Variants in GALNT17 observed in about 807,000 individuals in gnomAD.
GALNT17 encodes polypeptide N-acetylgalactosaminyltransferase 17.
GALNT17 carries 29 observed loss-of-function variants against 63.7 expected under a neutral mutation model. That is an observed-to-expected ratio of 0.46 (90% CI 0.34 to 0.62). GALNT17 has a LOEUF of 0.62. Among genes scored for constraint, GALNT17 ranks in the 20% least tolerant of loss-of-function variants. The probability of loss-of-function intolerance (pLI) is 0.01; values close to 1 mark genes in which losing one functional copy is unlikely to be tolerated. For missense variants in GALNT17, 603 were observed against 799.6 expected (o/e 0.75, Z 2.97); for synonymous variants, 305 against 318.3 (o/e 0.96, Z 0.45).
At chr7:71,486,693 A>G (rs1463084675) in intron 5 of GALNT17, among the ~76,000 whole-genome samples, 1 of 151,346 alleles carries the variant, frequency 6.6e-6, no homozygotes, top group Non-Finnish European at 1.5e-5. Context: ...CCATCTCTAC[A>G]ATAAGTCAAT....
chr7:71,569,570 G>T (rs959950723), intron 5 of GALNT17, among the ~76,000 whole-genome samples: 2 of 152,114 alleles, frequency 1.3e-5, no homozygotes, highest in Non-Finnish European at 2.9e-5. Context: ...TGTTAGCTCG[G>T]CCAGAAGATG....
intron 7 of GALNT17, among the ~76,000 whole-genome samples, chr7:71,668,434 T>TCCCA (rs1791017710): frequency 1.5e-5 from 2 of 129,306 alleles, no homozygotes; most frequent in East Asian, 5.3e-4. Context: ...GAGAATCGCT[T>TCCCA]GAACCTGGGA....
At chr7:71,435,103 G>T (rs1236962643) in intron 5 of GALNT17, among the ~76,000 whole-genome samples, 3 of 152,126 alleles carry the variant, frequency 2.0e-5, no homozygotes. Context: ...GAAGTGGGAG[G>T]ATTGTTGAGA....
chr7:71,173,013 C>T (rs1331398853), intron 1 of GALNT17, among the ~76,000 whole-genome samples: 1 of 152,114 alleles, frequency 6.6e-6, no homozygotes, highest in Non-Finnish European at 1.5e-5. Flanking sequence ...TCCAAAGCTC[C>T]TGTATATTTA....
chr7:71,473,940 A>G (rs1216345452), intron 5 of GALNT17, among the ~76,000 whole-genome samples: 1 of 152,204 alleles, frequency 6.6e-6, no homozygotes, highest in Non-Finnish European at 1.5e-5. Flanking sequence ...CAGAAAGTAA[A>G]GGAATAAAGA....
At chr7:71,707,314 C>T (rs1385071473) in intron 9 of GALNT17, among the ~76,000 whole-genome samples, 1 of 152,016 alleles carries the variant, frequency 6.6e-6, no homozygotes, top group East Asian at 1.9e-4. Context: ...AGGCACAGCC[C>T]CTCCCTCTCA....
intron 1 of GALNT17, among the ~76,000 whole-genome samples, chr7:71,203,942 T>G (rs1461836065): frequency 6.6e-6 from 1 of 152,144 alleles, no homozygotes; most frequent in Non-Finnish European, 1.5e-5. Context: ...CATTTGTTGA[T>G]TTTTGCTTTT....
Position 71,265,132 on chromosome 7 carries a change from T to A in GALNT17, c.239-70418T>A, listed in dbSNP as rs1478601513. Reference sequence around the variant, plus strand: ...TATATATATATATTTTTTTTTTTTTTTTTTTTTTTTTTGAGATGGAGTCTC... The same window carrying A: ...TATATATATATATTTTTTTTTTTTTATTTTTTTTTTTTGAGATGGAGTCTC... On this transcript the variant is annotated intron_variant, in intron 1 of 10. Coordinates refer to ENST00000333538, the MANE Select transcript of GALNT17 (RefSeq NM_022479.3). 9.1e-3 allele frequency among the ~76,000 whole-genome samples: 571 copies of A among 63,034 alleles called. 45 individuals carry two copies. The highest frequency in any genetic ancestry group is 0.05 in the East Asian group (137 of 2,738). The allele number at this position is 63,034 out of a possible 152,430, so 41.4% of individuals were successfully genotyped here.
intron 9 of GALNT17, among the ~76,000 whole-genome samples, chr7:71,684,699 G>C: frequency 6.6e-6 from 1 of 152,114 alleles, no homozygotes; most frequent in East Asian, 1.9e-4. Context: ...GTCTTGTTCT[G>C]TCATCTAGGC....
chr7:71,536,346 G>C (rs1288840849), intron 5 of GALNT17, among the ~76,000 whole-genome samples: 3 of 152,120 alleles, frequency 2.0e-5, no homozygotes, highest in Non-Finnish European at 4.4e-5. Context: ...CATTGTTCAG[G>C]GCTCTCAGAA....
At chr7:71,219,959 C>A (rs552403871) in intron 1 of GALNT17, among the ~76,000 whole-genome samples, 1 of 152,230 alleles carries the variant, frequency 6.6e-6, no homozygotes, top group South Asian at 2.1e-4. Flanking sequence ...TTATGTCCCT[C>A]CAAAATTCAT....
intron 1 of GALNT17, among the ~76,000 whole-genome samples, chr7:71,152,401 A>T (rs1788151888): frequency 6.6e-6 from 1 of 152,156 alleles, no homozygotes; most frequent in Non-Finnish European, 1.5e-5. Context: ...TGCAGACCCA[A>T]GGGGCGGAGT....
chr7:71,514,601 C>T (rs77048399), intron 5 of GALNT17, among the ~76,000 whole-genome samples: 3,058 of 152,284 alleles, frequency 0.02, 110 homozygotes, highest in African/African-American at 0.07. Flanking sequence ...GCCCCAGGAC[C>T]TCCATGCCTG....
chr7:71,247,228 GAAA>G (rs1790114933), intron 1 of GALNT17, among the ~76,000 whole-genome samples: 1 of 152,134 alleles, frequency 6.6e-6, no homozygotes, highest in Non-Finnish European at 1.5e-5. Flanking sequence ...GAAGAAGAGT[GAAA>G]ACATAATTAA....
intron 1 of GALNT17, among the ~76,000 whole-genome samples, chr7:71,173,754 T>C (rs1788586242): frequency 6.6e-6 from 1 of 152,016 alleles, no homozygotes; most frequent in South Asian, 2.1e-4. Flanking sequence ...GCTTGTGCGA[T>C]AGGGCGAGAC....
intron 2 of GALNT17, among the ~76,000 whole-genome samples, chr7:71,378,645 A>G (rs1201866488): frequency 6.6e-6 from 1 of 152,258 alleles, no homozygotes; most frequent in African/African-American, 2.4e-5. Flanking sequence ...TTGTTCATTC[A>G]GTAACCATTT....
At chr7:71,184,939 ACTTCCTTCCTTCCTTCCTTC>A (rs1164312541) in intron 1 of GALNT17, among the ~76,000 whole-genome samples, 1,345 of 64,132 alleles carry the variant, frequency 0.021, 47 homozygotes, top group African/African-American at 0.076. Context: ...TCCCTTCCTC[ACTTCCTTCCTTCCTTCCTTC>A]CTTCCTTCCT....
At chr7:71,670,660 A>G (rs1230595562) in intron 8 of GALNT17, among the ~76,000 whole-genome samples, 1 of 152,214 alleles carries the variant, frequency 6.6e-6, no homozygotes, top group Non-Finnish European at 1.5e-5. Flanking sequence ...CTTTTGAAGT[A>G]CTGGGCACTA....
intron 1 of GALNT17, among the ~76,000 whole-genome samples, chr7:71,232,525 T>G (rs1018499411): frequency 8.6e-5 from 13 of 152,046 alleles, no homozygotes; most frequent in African/African-American, 3.1e-4. Context: ...TTGGAAGTGA[T>G]GCAGGGCAGG....
Sources: gnomAD v4.1 joint callset for allele counts (sites outside exome capture counted in the v4.1 genomes callset) on GRCh38, gnomAD v4.1.1 for gene constraint, MANE v1.5 for transcripts, NCBI Gene and HGNC (gene_info 2026-07-23, HGNC 2026-07-21) for gene names.